Variants in SRPK2 observed in about 807,000 individuals in gnomAD.
SRPK2 encodes the protein SFRS protein kinase 2.
SRPK2 carries 21 observed loss-of-function variants against 90.8 expected under a neutral mutation model. The ratio of observed to expected loss-of-function variants is 0.23; its 90% CI spans 0.16 to 0.33. The LOEUF (loss-of-function observed/expected upper bound fraction) is 0.33, where lower values mean the gene tolerates loss of function less well. Ranked by LOEUF, SRPK2 falls within the 10% of genes least tolerant of loss-of-function variation. SRPK2 has a pLI of 1.00. For missense variants in SRPK2, 620 were observed against 869.0 expected (o/e 0.71, Z 3.60); for synonymous variants, 288 against 311.1 (o/e 0.93, Z 0.78).
intron 2 of SRPK2, among the ~76,000 whole-genome samples, chr7:105,324,569 G>T (rs1451411271): frequency 6.6e-6 from 1 of 152,210 alleles, no homozygotes; most frequent in Admixed American, 6.5e-5. Flanking sequence ...GCTGAGGACT[G>T]TTGCTGTTTT....
intron 6 of SRPK2, among the ~76,000 whole-genome samples, chr7:105,164,020 A>C (rs146520527): frequency 1.5e-3 from 226 of 152,342 alleles, no homozygotes; most frequent in Middle Eastern, 6.8e-3. Flanking sequence ...AACAGGTACG[A>C]TCGAGATCCT....
chr7:105,381,268 T>C (rs1431052768), intron 2 of SRPK2, among the ~76,000 whole-genome samples: 1 of 151,702 alleles, frequency 6.6e-6, no homozygotes, highest in Non-Finnish European at 1.5e-5. Flanking sequence ...GTTATTTCAT[T>C]AAAATGACAA....
At chr7:105,159,628 G>C (rs1584995367) in intron 7 of SRPK2, among the ~76,000 whole-genome samples, 1 of 152,014 alleles carries the variant, frequency 6.6e-6, no homozygotes, top group African/African-American at 2.4e-5. Context: ...ATTCCATGCA[G>C]AACACTGGAA....
intron 2 of SRPK2, among the ~76,000 whole-genome samples, chr7:105,314,978 T>C (rs1323757262): frequency 3.3e-5 from 5 of 152,116 alleles, no homozygotes; most frequent in Non-Finnish European, 7.4e-5. Context: ...ATTTTTCTAA[T>C]AAAGAAACAA....
At chr7:105,142,897 A>T (rs1289610124) in intron 10 of SRPK2, among the ~76,000 whole-genome samples, 187 bp downstream of exon 10, 1 of 152,246 alleles carries the variant, frequency 6.6e-6, no homozygotes, top group Non-Finnish European at 1.5e-5. Flanking sequence ...AAATGTTAAC[A>T]TATTTCTGGC....
Position 105,319,504 on chromosome 7 carries a change from CGGGGGGGGGGGGGGCGGT to C in SRPK2, c.71+69126_71+69143del, listed in dbSNP as rs1812667706. Among the ~76,000 whole-genome samples, 2 of 5,286 alleles carry C rather than the reference CGGGGGGGGGGGGGGCGGT, an allele frequency of 3.8e-4. 1 individual carries two copies. The highest frequency in any genetic ancestry group is 1.9e-3 in the Non-Finnish European group (2 of 1,070). The allele number at this position is 5,286 out of a possible 152,430, so 3.5% of individuals were successfully genotyped here. ...ACTCTTAAATTTAATGCACTTGCGGCGGGGGGGGGGGGGGCGGTGGATGGCAGGGGGAGAATATAAGCC... is the reference window on the plus strand; with the variant it reads ...ACTCTTAAATTTAATGCACTTGCGGCGGATGGCAGGGGGAGAATATAAGCC... On this transcript the variant is annotated intron_variant, in intron 2 of 15. Transcript: ENST00000393651.
At chr7:105,131,095 C>T (rs904051783) in intron 13 of SRPK2, among the ~76,000 whole-genome samples, 45 of 152,230 alleles carry the variant, frequency 3.0e-4, no homozygotes, top group Admixed American at 6.5e-4. Flanking sequence ...TAACCCACTA[C>T]ATCCGTGACT....
At chr7:105,161,578 T>A (rs1807669299) in intron 6 of SRPK2, among the ~76,000 whole-genome samples, 1 of 152,104 alleles carries the variant, frequency 6.6e-6, no homozygotes, top group Non-Finnish European at 1.5e-5. Context: ...TGAGCTGCAC[T>A]CTCACCCATC....
intron 2 of SRPK2, among the ~76,000 whole-genome samples, chr7:105,285,401 AAAAAAAG>A: frequency 1.4e-5 from 2 of 143,002 alleles, no homozygotes; most frequent in Non-Finnish European, 1.5e-5. Flanking sequence ...AAAAAAAAAA[AAAAAAAG>A]GAAAAGGAAA....
chr7:105,272,206 G>A (rs1805920087), intron 2 of SRPK2, among the ~76,000 whole-genome samples: 1 of 152,100 alleles, frequency 6.6e-6, no homozygotes, highest in African/African-American at 2.4e-5. Context: ...ATTTAGACCA[G>A]TGAGTGCAAA....
intron 2 of SRPK2, among the ~76,000 whole-genome samples, chr7:105,265,302 C>A (rs180860129): frequency 4.5e-4 from 68 of 152,164 alleles, no homozygotes; most frequent in Admixed American, 3.3e-3. Context: ...AATATAACAA[C>A]TATTTACAGA....
chr7:105,186,421 C>G (rs1793586999), intron 3 of SRPK2, among the ~76,000 whole-genome samples: 1 of 152,128 alleles, frequency 6.6e-6, no homozygotes, highest in Admixed American at 6.5e-5. Context: ...TGTTTAGTTC[C>G]CACTTACAAG....
intron 11 of SRPK2, among the ~76,000 whole-genome samples, chr7:105,139,535 T>G (rs947562704): frequency 2.0e-5 from 3 of 152,154 alleles, no homozygotes; most frequent in African/African-American, 7.2e-5. Context: ...TTTGGACATG[T>G]AAGGTTTGAA....
At chr7:105,152,846 CA>C (rs1160244156) in intron 7 of SRPK2, among the ~76,000 whole-genome samples, 9 of 151,994 alleles carry the variant, frequency 5.9e-5, no homozygotes, top group African/African-American at 2.2e-4. Context: ...CCATCCTGGC[CA>C]ACATGGTGAA....
intron 6 of SRPK2, among the ~76,000 whole-genome samples, chr7:105,165,897 G>A (rs1223961898): frequency 6.6e-6 from 1 of 152,166 alleles, no homozygotes; most frequent in Non-Finnish European, 1.5e-5. Flanking sequence ...ATGAGGGTCT[G>A]TGGCTTCATT....
In SRPK2 at chr7:105,268,878, A is replaced by G. The variant is rs780827564; in HGVS notation, c.72-65093T>C. 3.8e-6 allele frequency: 6 copies of G among 1,585,898 alleles called. No homozygotes were observed. In the South Asian group the frequency reaches 6.7e-5, roughly 18 times the overall value. On this transcript the variant is annotated intron_variant, in intron 2 of 15. Coordinates refer to ENST00000393651, the MANE Select transcript of SRPK2 (RefSeq NM_182692.3). ...AATCTTCTGCTTGATTTCTGGAAAA[A>G]TCAGAAAATATTCACAACCAAGATT...
chr7:105,148,910 A>G (rs1184467023), intron 7 of SRPK2, among the ~76,000 whole-genome samples: 1 of 152,222 alleles, frequency 6.6e-6, no homozygotes, highest in Non-Finnish European at 1.5e-5. Flanking sequence ...ATACTTGGTA[A>G]AAGTCATCGC....
At chr7:105,130,754 A>G (rs1374410567) in intron 13 of SRPK2, among the ~76,000 whole-genome samples, 2 of 151,536 alleles carry the variant, frequency 1.3e-5, no homozygotes. Flanking sequence ...CTCTAAAGCC[A>G]TGACTTTTGG....
chr7:105,137,643 T>C (rs1160076376), intron 11 of SRPK2, among the ~76,000 whole-genome samples: 1 of 152,250 alleles, frequency 6.6e-6, no homozygotes, highest in Non-Finnish European at 1.5e-5. Context: ...ACTAAGGCTC[T>C]GGCAGCTGAT....
Sources: allele counts gnomAD v4.1 joint callset (sites outside exome capture counted in the v4.1 genomes callset), GRCh38; gene constraint gnomAD v4.1.1; transcripts MANE v1.5; gene names NCBI Gene and HGNC (gene_info 2026-07-23, HGNC 2026-07-21).